Variants in TAFA1 observed in about 807,000 individuals in gnomAD.
TAFA1 encodes the protein TAFA chemokine like family member 1.
A neutral mutation model predicts 18.5 loss-of-function variants in TAFA1; 4 were observed. The observed-to-expected ratio is 0.22, with a 90% CI of 0.11 to 0.49. The LOEUF is 0.49. Among genes scored for constraint, TAFA1 ranks in the 20% least tolerant of loss-of-function variants. The pLI, the probability that TAFA1 is intolerant of heterozygous loss-of-function variation, is 0.98. For missense variants in TAFA1, 147 were observed against 169.0 expected (o/e 0.87, Z 0.72); for synonymous variants, 56 against 55.2 (o/e 1.01, Z -0.06).
At chr3:68,431,819 G>A (rs988013204) in intron 3 of TAFA1, among the ~76,000 whole-genome samples, 5 of 151,974 alleles carry the variant, frequency 3.3e-5, no homozygotes, top group Admixed American at 6.6e-5. Flanking sequence ...GGCTGGGAGC[G>A]TCGGCAGACT....
At chr3:68,152,795 A>G (rs1049688955) in intron 2 of TAFA1, among the ~76,000 whole-genome samples, 5 of 152,114 alleles carry the variant, frequency 3.3e-5, no homozygotes, top group African/African-American at 1.2e-4. Context: ...TTCCCAATGG[A>G]AAGAGTTCAT....
chr3:68,234,852 A>T (rs1226039734), intron 2 of TAFA1, among the ~76,000 whole-genome samples: 3 of 152,196 alleles, frequency 2.0e-5, no homozygotes, highest in Non-Finnish European at 4.4e-5. Context: ...AGAGCAGGTG[A>T]CTTTTGATTC....
In TAFA1 at chr3:68,321,054, G is replaced by C. The variant is rs115790499; in HGVS notation, c.119-96226G>C. On this transcript the variant is annotated intron_variant, in intron 2 of 4. Coordinates refer to ENST00000478136, the MANE Select transcript of TAFA1 (RefSeq NM_213609.4). ...ATGGGCTTCAAGGCTGGACTGTCAG[G>C]GTTGAAATCGCTGATCTACCTCTTG... Among the ~76,000 whole-genome samples the C allele has an allele frequency of 9.9e-3, 1,513 of 152,298 alleles. 38 individuals are homozygous for C. The highest frequency in any genetic ancestry group is 0.034 in the African/African-American group (1,407 of 41,562).
At chr3:68,402,012 T>A (rs1161933671) in intron 2 of TAFA1, among the ~76,000 whole-genome samples, 1 of 152,200 alleles carries the variant, frequency 6.6e-6, no homozygotes, top group African/African-American at 2.4e-5. Flanking sequence ...ATTTTAAAAG[T>A]GTTTCTTATT....
chr3:68,424,439 C>T (rs1021931010), intron 3 of TAFA1, among the ~76,000 whole-genome samples: 2 of 151,940 alleles, frequency 1.3e-5, no homozygotes, highest in East Asian at 1.9e-4. Flanking sequence ...TGTTTGTATT[C>T]AGTCTTACAG....
chr3:68,324,186 T>C (rs928358096), intron 2 of TAFA1, among the ~76,000 whole-genome samples: 2 of 152,202 alleles, frequency 1.3e-5, no homozygotes, highest in African/African-American at 2.4e-5. Context: ...TAAAGCTAAA[T>C]TAATATTCAC....
chr3:68,117,126 G>A (rs9821459), intron 2 of TAFA1, among the ~76,000 whole-genome samples: 1 of 152,134 alleles, frequency 6.6e-6, no homozygotes, highest in Non-Finnish European at 1.5e-5. Context: ...TTCCATGTTA[G>A]CCTTAATTAA....
chr3:68,220,983 C>A (rs1171731477), intron 2 of TAFA1, among the ~76,000 whole-genome samples: 1 of 152,104 alleles, frequency 6.6e-6, no homozygotes, highest in African/African-American at 2.4e-5. Context: ...TTCCCAGAAA[C>A]AGAATGATCT....
Position 68,486,072 on chromosome 3 carries a change from T to TTTTTATTTTATTTTA in TAFA1, c.260-52669_260-52655dup, listed in dbSNP as rs1438865835. 2.1e-3 allele frequency among the ~76,000 whole-genome samples: 267 copies of TTTTTATTTTATTTTA among 127,570 alleles called. 2 individuals are homozygous for TTTTTATTTTATTTTA. Among genetic ancestry groups the TTTTTATTTTATTTTA allele is most frequent in the African/African-American group, 7.8e-3 (252 of 32,388 alleles). The allele number at this position is 127,570 out of a possible 152,430, so 83.7% of individuals were successfully genotyped here. The stretch of plus-strand genomic sequence containing the variant: ...GCCTCCATTCCTGGCTAAATTTTTA[T>TTTTTATTTTATTTTA]TTTTATTTTATTTTATTTTATTTTA... On this transcript the variant is annotated intron_variant, in intron 3 of 4. Transcript: ENST00000478136.
chr3:68,231,128 A>G (rs1559567815), intron 2 of TAFA1, among the ~76,000 whole-genome samples: 2 of 152,158 alleles, frequency 1.3e-5, no homozygotes, highest in African/African-American at 4.8e-5. Context: ...AGGATATGCA[A>G]ATTGAAAGGT....
intron 2 of TAFA1, among the ~76,000 whole-genome samples, chr3:68,068,254 G>A (rs1384679618): frequency 2.0e-5 from 3 of 152,280 alleles, no homozygotes; most frequent in Non-Finnish European, 4.4e-5. Flanking sequence ...CATACAGAAA[G>A]AACAAGATTT....
intron 2 of TAFA1, among the ~76,000 whole-genome samples, chr3:68,190,708 G>A (rs550677100): frequency 2.6e-5 from 4 of 151,772 alleles, no homozygotes; most frequent in African/African-American, 9.7e-5. Context: ...TATGTGTTTT[G>A]GGAGGAGTTT....
chr3:68,287,956 G>T (rs577456733), intron 2 of TAFA1, among the ~76,000 whole-genome samples: 3 of 146,864 alleles, frequency 2.0e-5, no homozygotes, highest in Admixed American at 6.9e-5. Flanking sequence ...ACCCTAAAAT[G>T]ATTAGATCCA....
At chr3:68,287,813 T>C (rs2068038240) in intron 2 of TAFA1, among the ~76,000 whole-genome samples, 1 of 151,128 alleles carries the variant, frequency 6.6e-6, no homozygotes, top group Non-Finnish European at 1.5e-5. Context: ...TGAAATCTAA[T>C]TATACCTCCT....
At chr3:68,141,208 T>C (rs904139806) in intron 2 of TAFA1, among the ~76,000 whole-genome samples, 2 of 152,198 alleles carry the variant, frequency 1.3e-5, no homozygotes, top group Non-Finnish European at 2.9e-5. Flanking sequence ...ACTTTTCTCA[T>C]GTAGCCAAAC....
chr3:68,506,220 C>T (rs1179386484), intron 3 of TAFA1, among the ~76,000 whole-genome samples: 1 of 152,100 alleles, frequency 6.6e-6, no homozygotes, highest in Non-Finnish European at 1.5e-5. Flanking sequence ...GACATGAACT[C>T]ATCCTTTTTA....
intron 2 of TAFA1, among the ~76,000 whole-genome samples, chr3:68,140,517 T>C (rs2106900794): frequency 6.6e-6 from 1 of 152,284 alleles, no homozygotes; most frequent in Middle Eastern, 3.4e-3. Context: ...CCAACTCTTC[T>C]CCCACTGCAA....
At chr3:68,515,216 A>C (rs1463055651) in intron 3 of TAFA1, among the ~76,000 whole-genome samples, 3 of 152,132 alleles carry the variant, frequency 2.0e-5, no homozygotes, top group African/African-American at 4.8e-5. Context: ...TAAGAGTCTA[A>C]AAAGGGTGGG....
At chr3:68,311,215 A>G (rs991293663) in intron 2 of TAFA1, among the ~76,000 whole-genome samples, 4 of 152,184 alleles carry the variant, frequency 2.6e-5, no homozygotes, top group Non-Finnish European at 5.9e-5. Context: ...GGTCCCTCCC[A>G]TAAAACGTGG....
Sources: allele counts gnomAD v4.1 joint callset (sites outside exome capture counted in the v4.1 genomes callset), GRCh38; gene constraint gnomAD v4.1.1; transcripts MANE v1.5; gene names NCBI Gene and HGNC (gene_info 2026-07-23, HGNC 2026-07-21).